KAZN: variants seen among roughly 807,000 people sequenced by gnomAD.
The protein encoded by KAZN is kazrin.
A neutral mutation model predicts 87.4 loss-of-function variants in KAZN; 40 were observed. The observed-to-expected ratio is 0.46, with a 90% CI of 0.36 to 0.60. The LOEUF (loss-of-function observed/expected upper bound fraction) is 0.60, where lower values mean the gene tolerates loss of function less well. KAZN is among the 20% of genes least tolerant of loss of function. The probability of loss-of-function intolerance (pLI) is 0.00; values close to 1 mark genes in which losing one functional copy is unlikely to be tolerated. For synonymous variants in KAZN, 466 were observed against 458.3 expected (o/e 1.02, Z -0.22); for missense variants, 898 against 1,073.9 (o/e 0.84, Z 2.29).
intron 2 of KAZN, among the ~76,000 whole-genome samples, chr1:14,473,595 C>T (rs1200044953): frequency 2.7e-5 from 4 of 150,078 alleles, no homozygotes; most frequent in African/African-American, 7.4e-5. Flanking sequence ...CACAAGATCG[C>T]GCCACTGCAC....
chr1:13,946,720 T>TAGCC (rs1424145415), intron 1 of KAZN, among the ~76,000 whole-genome samples: 1 of 152,206 alleles, frequency 6.6e-6, no homozygotes, highest in African/African-American at 2.4e-5. Context: ...GCTAAGGTAT[T>TAGCC]ATGATCCTGA....
At chr1:14,760,817 A>C (rs752573186) in intron 1 of KAZN, among the ~76,000 whole-genome samples, 44 of 152,208 alleles carry the variant, frequency 2.9e-4, no homozygotes, top group Non-Finnish European at 5.4e-4. Flanking sequence ...AAACTTCCTA[A>C]CAATGGGGCT....
chr1:14,703,653 A>G (rs1997764), intron 1 of KAZN, among the ~76,000 whole-genome samples: 85,361 of 152,056 alleles, frequency 0.56, 24,035 homozygotes, highest in South Asian at 0.64. Context: ...GTAGGCAGGA[A>G]GATCACTTGG....
chr1:14,107,295 T>G (rs1361571193), intron 1 of KAZN, among the ~76,000 whole-genome samples: 1 of 151,736 alleles, frequency 6.6e-6, no homozygotes, highest in Non-Finnish European at 1.5e-5. Flanking sequence ...TGAGAGCAGT[T>G]AGGAGACAGC....
intron 2 of KAZN, among the ~76,000 whole-genome samples, chr1:14,427,828 T>G (rs543731549): frequency 1.7e-4 from 26 of 152,362 alleles, no homozygotes; most frequent in Admixed American, 1.4e-3. Flanking sequence ...TTCTCATTAA[T>G]GTAAATTATT....
chr1:14,921,750 C>T (rs1658550001), intron 1 of KAZN, among the ~76,000 whole-genome samples: 1 of 152,206 alleles, frequency 6.6e-6, no homozygotes, highest in Non-Finnish European at 1.5e-5. Context: ...CTCACTCTGT[C>T]GCCTAGCCTG....
intron 2 of KAZN, chr1:14,349,163 G>T (rs1401936160): frequency 6.6e-6 from 1 of 152,216 alleles, no homozygotes; most frequent in Non-Finnish European, 1.5e-5. Context: ...AACGTATGTG[G>T]TACAAGTGAT....
At chr1:15,032,559 T>C (rs985267190) in intron 2 of KAZN, among the ~76,000 whole-genome samples, 2 of 152,268 alleles carry the variant, frequency 1.3e-5, no homozygotes, top group East Asian at 1.9e-4. Flanking sequence ...TCCCTTAGCA[T>C]GTTTTCAAGG....
Position 14,883,341 on chromosome 1 carries a change from A to AGAGAGAGAGAGAGAGAAAGAAAG in KAZN, c.227-77341_227-77340insGAGAGAGAGAGAGAAAGAAAGGA, listed in dbSNP as rs1553150560. ...GAAAGAGAGAGAGAGAGAGAGAGAG[A>AGAGAGAGAGAGAGAGAAAGAAAG]GAAAGAAAGAAAGAAAAGAAAGAAA... On this transcript the variant is annotated intron_variant, in intron 1 of 14. Coordinates refer to ENST00000376030, the MANE Select transcript of KAZN (RefSeq NM_201628.3). Among the ~76,000 whole-genome samples, 5 of 29,542 alleles carry AGAGAGAGAGAGAGAGAAAGAAAG rather than the reference A, an allele frequency of 1.7e-4. 2 individuals are homozygous for AGAGAGAGAGAGAGAGAAAGAAAG. The highest frequency in any genetic ancestry group is 5.8e-3 in the East Asian group (2 of 342). The allele number at this position is 29,542 out of a possible 152,430, so 19.4% of individuals were successfully genotyped here. A position where few individuals can be genotyped will look rare whatever the true frequency, so the allele number is the denominator to read the frequency against.
intron 2 of KAZN, among the ~76,000 whole-genome samples, chr1:14,496,998 C>T (rs1669977138): frequency 6.6e-6 from 1 of 152,054 alleles, no homozygotes. Context: ...TTCTTTTTGC[C>T]TAAAGTATTA....
chr1:15,054,012 G>A (rs1674682214), intron 4 of KAZN, among the ~76,000 whole-genome samples: 1 of 152,192 alleles, frequency 6.6e-6, no homozygotes, highest in Admixed American at 6.5e-5. Flanking sequence ...CTGAGGCTCA[G>A]AGGAGGGAGT....
intron 1 of KAZN, among the ~76,000 whole-genome samples, chr1:14,844,992 A>G (rs548812676): frequency 8.8e-5 from 13 of 147,740 alleles, no homozygotes; most frequent in East Asian, 4.2e-4. Context: ...TGGATGGATG[A>G]ATGAATAAAT....
intron 1 of KAZN, among the ~76,000 whole-genome samples, chr1:14,752,915 T>G (rs557829414): frequency 6.6e-6 from 1 of 152,328 alleles, no homozygotes; most frequent in African/African-American, 2.4e-5. Flanking sequence ...AGCCCAGCTG[T>G]GCATTTGGAC....
At position 14,854,637 on chromosome 1, in the gene KAZN, C is replaced by A. The variant is rs1649857148; in HGVS notation, c.227-106047C>A. 2.0e-5 allele frequency among the ~76,000 whole-genome samples: 3 copies of A among 152,106 alleles called. No individual in the cohort carries two copies. In the South Asian group the frequency reaches 6.2e-4, roughly 31 times the overall value. The stretch of plus-strand genomic sequence containing the variant: ...CTAATCCAGTCTCACCAGAGTGAGA[C>A]CCTGCTCACTCCCATGAGTATGGCA... On this transcript the variant is annotated intron_variant, in intron 1 of 14. Transcript: ENST00000376030.
intron 1 of KAZN, among the ~76,000 whole-genome samples, chr1:14,847,717 A>G (rs570586295): frequency 1.3e-5 from 2 of 152,238 alleles, no homozygotes; most frequent in Non-Finnish European, 2.9e-5. Flanking sequence ...ACAGTGGCTC[A>G]CGCCTGTTAT....
At chr1:14,267,049 C>CA (rs1222319870) in intron 2 of KAZN, among the ~76,000 whole-genome samples, 1 of 144,964 alleles carries the variant, frequency 6.9e-6, no homozygotes, top group Non-Finnish European at 1.5e-5. Context: ...CCCTCCACCC[C>CA]ACAACAGTCC....
intron 1 of KAZN, among the ~76,000 whole-genome samples, chr1:14,744,394 G>GTT (rs532254394): frequency 2.0e-5 from 3 of 150,958 alleles, no homozygotes; most frequent in African/African-American, 7.4e-5. Context: ...GATGGTGGTA[G>GTT]TTTTTTTTGT....
intron 2 of KAZN, among the ~76,000 whole-genome samples, chr1:14,437,827 C>A (rs752278732): frequency 6.6e-6 from 1 of 151,986 alleles, no homozygotes; most frequent in Admixed American, 6.5e-5. Context: ...TAAAGGAAGT[C>A]AAAGAGGGCA....
intron 1 of KAZN, among the ~76,000 whole-genome samples, chr1:14,690,031 G>T (rs540977709): frequency 1.3e-5 from 2 of 152,094 alleles, no homozygotes; most frequent in Non-Finnish European, 2.9e-5. Context: ...CTGCTCTAAG[G>T]CTGCAGAAAT....
Sources: allele counts gnomAD v4.1 joint callset (sites outside exome capture counted in the v4.1 genomes callset), GRCh38; gene constraint gnomAD v4.1.1; transcripts MANE v1.5; gene names NCBI Gene and HGNC (gene_info 2026-07-23, HGNC 2026-07-21).